Variants in SLC68A1 observed in about 807,000 individuals in gnomAD.
SLC68A1 encodes solute carrier family 68 member 1, also known as major facilitator superfamily domain containing 13A.
the SLC68A1 span, chr10:102,473,058 C>T: frequency 2.5e-4 from 222 of 880,708 alleles, 2 homozygotes; most frequent in East Asian, 5.5e-3. Flanking sequence ...CATTTCCCGA[C>T]CCAGTGATCC....
the SLC68A1 span, chr10:102,473,765 G>T: frequency 3.1e-4 from 498 of 1,608,426 alleles, 1 homozygote; most frequent in Non-Finnish European, 2.6e-4. Context: ...CACGCTCCCC[G>T]CAACACCTCC....
At chr10:102,468,611 G>A in the SLC68A1 span, 1 of 158,850 alleles carries the variant, frequency 6.3e-6, no homozygotes, top group Non-Finnish European at 1.4e-5. Flanking sequence ...AGCTTACAGT[G>A]AGCGGAGATC....
chr10:102,475,628 G>A, the SLC68A1 span: 3 of 1,415,768 alleles, frequency 2.1e-6, no homozygotes, highest in African/African-American at 1.4e-5. Flanking sequence ...ACACGTCCAT[G>A]TGGTGTCTGA....
chr10:102,474,396 T>C, the SLC68A1 span, among the ~76,000 whole-genome samples: 71 of 152,018 alleles, frequency 4.7e-4, no homozygotes, highest in Non-Finnish European at 5.7e-4. Context: ...TAAGGTGATG[T>C]GAGATGGCGT....
At chr10:102,475,575 T>G in the SLC68A1 span, 2 of 879,726 alleles carry the variant, frequency 2.3e-6, no homozygotes, top group South Asian at 1.9e-5. Flanking sequence ...ATGGGAAGAG[T>G]AGGAGAGGAG....
chr10:102,472,455 G>T, the SLC68A1 span, among the ~76,000 whole-genome samples: 1 of 151,994 alleles, frequency 6.6e-6, no homozygotes, highest in African/African-American at 2.4e-5. Context: ...GTAGAGACGG[G>T]GTTTCGCCAT....
the SLC68A1 span, chr10:102,471,219 G>A: frequency 2.1e-5 from 33 of 1,601,892 alleles, no homozygotes; most frequent in Non-Finnish European, 2.7e-5. Context: ...GGGATGTGTT[G>A]GGGGATAACT....
At chr10:102,476,114 T>C in the SLC68A1 span, 1 of 1,324,872 alleles carries the variant, frequency 7.5e-7, no homozygotes, top group Non-Finnish European at 9.6e-7. Context: ...CCCAAAAAAA[T>C]GGATCTGTTG....
the SLC68A1 span, chr10:102,470,892 C>T: frequency 1.2e-6 from 2 of 1,613,268 alleles, no homozygotes; most frequent in South Asian, 1.1e-5. Context: ...CACGACCGCA[C>T]CCACCTCAAC....
chr10:102,472,854 G>A, the SLC68A1 span: 6 of 1,613,706 alleles, frequency 3.7e-6, no homozygotes, highest in Admixed American at 1.0e-4. Flanking sequence ...CGGGTTGCAG[G>A]TCTTCCACTG....
At chr10:102,472,604 C>G in the SLC68A1 span, among the ~76,000 whole-genome samples, 1 of 152,296 alleles carries the variant, frequency 6.6e-6, no homozygotes, top group South Asian at 2.1e-4. Context: ...AAAGAAAAAG[C>G]TTTTAATTGC....
the SLC68A1 span, chr10:102,468,815 T>C: frequency 1.8e-6 from 1 of 546,204 alleles, no homozygotes; most frequent in Non-Finnish European, 3.3e-6. Context: ...GTTTCTGTTA[T>C]ACTTCATTCA....
chr10:102,473,024 C>A, the SLC68A1 span: 1 of 1,213,816 alleles, frequency 8.2e-7, no homozygotes, highest in Non-Finnish European at 1.2e-6. Context: ...GATGGGGTTT[C>A]ACCGTATTAG....
the SLC68A1 span, chr10:102,476,019 C>T: frequency 1.0e-4 from 141 of 1,382,952 alleles, no homozygotes; most frequent in Non-Finnish European, 1.3e-4. Context: ...GAGGATGCTG[C>T]TGGCAGCCTG....
the SLC68A1 span, chr10:102,469,144 G>A: frequency 1.2e-6 from 2 of 1,614,002 alleles, no homozygotes; most frequent in African/African-American, 2.7e-5. Context: ...CTACTATGTG[G>A]ACACCTTTGT....
the SLC68A1 span, chr10:102,470,924 G>GCGGC: frequency 6.2e-7 from 1 of 1,613,324 alleles, no homozygotes; most frequent in Non-Finnish European, 8.5e-7. Context: ...CCTCTTCAGC[G>GCGGC]CGGCCGGCTC....
At chr10:102,473,478 T>C in the SLC68A1 span, 5 of 1,284,798 alleles carry the variant, frequency 3.9e-6, no homozygotes, top group African/African-American at 1.5e-5. Flanking sequence ...GCATCGCTAG[T>C]GTACAGGAAT....
the SLC68A1 span, among the ~76,000 whole-genome samples, chr10:102,464,645 C>T: frequency 6.6e-6 from 1 of 150,966 alleles, no homozygotes; most frequent in African/African-American, 2.4e-5. Flanking sequence ...CAAAAATTAG[C>T]TGGGCGTGGT....
At chr10:102,473,234 G>A in the SLC68A1 span, among the ~76,000 whole-genome samples, 1 of 152,080 alleles carries the variant, frequency 6.6e-6, no homozygotes, top group Non-Finnish European at 1.5e-5. Context: ...GGGTCCTCTT[G>A]GAGATGGTGG....
Sources: allele counts gnomAD v4.1 joint callset (sites outside exome capture counted in the v4.1 genomes callset), GRCh38; gene constraint gnomAD v4.1.1; transcripts MANE v1.5; gene names NCBI Gene and HGNC (gene_info 2026-07-23, HGNC 2026-07-21).